The following IL1RAPL1 variants were observed in gnomAD, a reference collection of about 807,000 sequenced individuals.
The protein encoded by IL1RAPL1 is interleukin 1 receptor accessory protein like 1, also known as interleukin-1 receptor accessory protein-like 1.
Under a neutral mutation model 48.4 loss-of-function variants are expected in IL1RAPL1, and 3 were observed. That is an observed-to-expected ratio of 0.06 (90% confidence interval 0.03 to 0.16). The LOEUF is 0.16. Among genes scored for constraint, IL1RAPL1 ranks in the 10% least tolerant of loss-of-function variants. The pLI, the probability that IL1RAPL1 is intolerant of heterozygous loss-of-function variation, is 1.00. For synonymous variants in IL1RAPL1, 185 were observed against 187.7 expected (o/e 0.99, Z 0.12); for missense variants, 349 against 530.6 (o/e 0.66, Z 3.36).
intron 2 of IL1RAPL1, among the ~76,000 whole-genome samples, chrX:29,183,855 A>C (rs2147522432): frequency 9.0e-6 from 1 of 111,372 alleles, no homozygotes; most frequent in East Asian, 2.8e-4. Flanking sequence ...CACCAGGCCC[A>C]GCTGATTTTT....
intron 3 of IL1RAPL1, among the ~76,000 whole-genome samples, chrX:29,287,829 A>G (rs1356514124): frequency 1.8e-5 from 2 of 111,721 alleles, no homozygotes; most frequent in Non-Finnish European, 3.8e-5. Flanking sequence ...TAGTTTGCCA[A>G]TATTTTCTGA....
chrX:28,666,844 TC>T (rs925555085), intron 1 of IL1RAPL1, among the ~76,000 whole-genome samples: 2 of 111,859 alleles, frequency 1.8e-5, no homozygotes, highest in Non-Finnish European at 3.8e-5. Flanking sequence ...ATTTGTGACT[TC>T]CTTCAGTCAT....
chrX:28,952,106 C>T (rs1924484495), intron 2 of IL1RAPL1, among the ~76,000 whole-genome samples: 1 of 110,988 alleles, frequency 9.0e-6, no homozygotes, highest in Admixed American at 9.7e-5. Context: ...CCCATACACA[C>T]TTTCATTTGT....
chrX:29,562,111 ATCTAATCTATCT>A (rs1349296023), intron 5 of IL1RAPL1, among the ~76,000 whole-genome samples: 654 of 60,563 alleles, frequency 0.011, 7 homozygotes, highest in African/African-American at 0.022. Context: ...CTATCTATCT[ATCTAATCTATCT>A]ATCTATCTAT....
chrX:29,543,223 A>G (rs1219825085), intron 5 of IL1RAPL1, among the ~76,000 whole-genome samples: 1 of 108,922 alleles, frequency 9.2e-6, no homozygotes, highest in East Asian at 2.9e-4. Flanking sequence ...CCCTTATGAT[A>G]CTCAGTAACT....
At chrX:29,052,996 T>C (rs1478686390) in intron 2 of IL1RAPL1, among the ~76,000 whole-genome samples, 3 of 111,572 alleles carry the variant, frequency 2.7e-5, no homozygotes, top group African/African-American at 9.8e-5. Context: ...CCACTACCCA[T>C]TAGTTATTTT....
At chrX:29,009,985 G>A (rs1422691629) in intron 2 of IL1RAPL1, among the ~76,000 whole-genome samples, 1 of 111,747 alleles carries the variant, frequency 8.9e-6, no homozygotes, top group Non-Finnish European at 1.9e-5. Context: ...TTGGTTAGAT[G>A]TATTCTTAGG....
intron 1 of IL1RAPL1, among the ~76,000 whole-genome samples, chrX:28,740,654 C>T (rs1569162597): frequency 9.0e-6 from 1 of 110,893 alleles, no homozygotes; most frequent in Non-Finnish European, 1.9e-5. Flanking sequence ...TCCTCACCCT[C>T]CACCCTCAAC....
intron 5 of IL1RAPL1, among the ~76,000 whole-genome samples, chrX:29,649,712 C>G (rs985032191): frequency 9.0e-6 from 1 of 111,383 alleles, no homozygotes; most frequent in South Asian, 3.7e-4. Context: ...ATATGGATGT[C>G]CACTTTCACT....
intron 1 of IL1RAPL1, among the ~76,000 whole-genome samples, chrX:28,664,995 G>C (rs771607537): frequency 8.9e-6 from 1 of 112,082 alleles, no homozygotes; most frequent in Non-Finnish European, 1.9e-5. Context: ...TTTGCTTTTA[G>C]AGGGAGACAT....
chrX:29,917,662 T>C, intron 7 of IL1RAPL1, 66 bp downstream of exon 7: 2 of 981,683 alleles, frequency 2.0e-6, no homozygotes, highest in Non-Finnish European at 2.9e-6. Context: ...GAATAGAAAG[T>C]AAGCTGAAAG....
At chrX:29,308,315 C>T (rs777081027) in intron 3 of IL1RAPL1, among the ~76,000 whole-genome samples, 1 of 111,633 alleles carries the variant, frequency 9.0e-6, no homozygotes, top group Non-Finnish European at 1.9e-5. Flanking sequence ...AGAAAGACAT[C>T]ATGCATTCCT....
At chrX:29,458,594 T>G (rs1017123429) in intron 5 of IL1RAPL1, among the ~76,000 whole-genome samples, 3 of 112,023 alleles carry the variant, frequency 2.7e-5, no homozygotes, top group African/African-American at 9.7e-5. Flanking sequence ...GCATAAAACT[T>G]TTAAATGGCA....
At chrX:29,621,488 G>A (rs1924460632) in intron 5 of IL1RAPL1, among the ~76,000 whole-genome samples, 1 of 110,768 alleles carries the variant, frequency 9.0e-6, no homozygotes, top group East Asian at 2.8e-4. Context: ...TTGAGAATAA[G>A]TCTAGGTCTA....
intron 3 of IL1RAPL1, among the ~76,000 whole-genome samples, chrX:29,349,814 T>A (rs1933199217): frequency 9.1e-6 from 1 of 109,675 alleles, no homozygotes. Flanking sequence ...GGAGTGTAAA[T>A]GGTGCTCAGC....
In IL1RAPL1 at chrX:28,966,609, A is replaced by G. The variant is rs765546720; in HGVS notation, c.82+177184A>G. 3.3e-3 allele frequency among the ~76,000 whole-genome samples: 370 copies of G among 112,003 alleles called. 3 individuals carry two copies. The highest frequency in any genetic ancestry group is 0.011 in the African/African-American group (334 of 30,884). ...TAAAGCCTTTCATGGCCAGTATTGT[A>G]TATAAAGAACTTAGTGGTTGCAATG... is the stretch of plus-strand genomic sequence containing the variant. On this transcript the variant is annotated intron_variant, in intron 2 of 10. Coordinates refer to ENST00000378993, the MANE Select transcript of IL1RAPL1 (RefSeq NM_014271.4).
At chrX:28,676,450 T>C (rs1160368514) in intron 1 of IL1RAPL1, among the ~76,000 whole-genome samples, 2 of 111,756 alleles carry the variant, frequency 1.8e-5, no homozygotes, top group African/African-American at 6.5e-5. Context: ...ACTTATTTTA[T>C]GGCTGGGTGT....
At chrX:28,978,924 G>T (rs747989949) in intron 2 of IL1RAPL1, among the ~76,000 whole-genome samples, 5 of 112,001 alleles carry the variant, frequency 4.5e-5, no homozygotes, top group Non-Finnish European at 7.5e-5. Flanking sequence ...TGCATTGGAG[G>T]GCCTGGTAAT....
At chrX:28,964,604 G>A (rs950986917) in intron 2 of IL1RAPL1, among the ~76,000 whole-genome samples, 2 of 111,813 alleles carry the variant, frequency 1.8e-5, no homozygotes, top group South Asian at 3.7e-4. Context: ...TTTGTTTCTA[G>A]ATATTTCCAA....
Sources: gnomAD v4.1 joint callset for allele counts (sites outside exome capture counted in the v4.1 genomes callset) on GRCh38, gnomAD v4.1.1 for gene constraint, MANE v1.5 for transcripts, NCBI Gene and HGNC (gene_info 2026-07-23, HGNC 2026-07-21) for gene names.